Variants in SLC2A5 observed in about 807,000 individuals in gnomAD.
SLC2A5 encodes solute carrier family 2, facilitated glucose transporter member 5.
A neutral mutation model predicts 50.3 loss-of-function variants in SLC2A5; 56 were observed. That is an observed-to-expected ratio of 1.11 (90% CI 0.90 to 1.39). The LOEUF (loss-of-function observed/expected upper bound fraction) is 1.39. Ranked by LOEUF, SLC2A5 falls within the 40% of genes most tolerant of loss-of-function variation. The pLI is 0.00. For missense variants in SLC2A5, 566 were observed against 650.1 expected (o/e 0.87, Z 1.41); for synonymous variants, 269 against 281.9 (o/e 0.95, Z 0.46).
At chr1:9,070,077 T>G (rs868316175), upstream of SLC2A5, among the ~76,000 whole-genome samples, 3 of 130,232 alleles carry the variant, frequency 2.3e-5, no homozygotes, top group South Asian at 5.7e-4. Flanking sequence ...TTTCTGTTTT[T>G]TTTTTTTTTT....
Position 9,085,707 on chromosome 1 carries a change from C to T in SLC2A5, c.-187-565G>A, listed in dbSNP as rs138452802. Among the ~76,000 whole-genome samples, 1,156 of 152,218 alleles carry T rather than the reference C, an allele frequency of 7.6e-3. 2 individuals are homozygous for T. The highest frequency in any genetic ancestry group is 0.017 in the Middle Eastern group (5 of 294). On this transcript the variant is annotated intron_variant, in intron 1 of 5. Transcript: ENST00000464985. ...AGGAAGTTCATTCAGATGGTTGTGTCGGGAGGGCGGCTTAGAATTTTACCT... is the reference window on the plus strand; with the variant it reads ...AGGAAGTTCATTCAGATGGTTGTGTTGGGAGGGCGGCTTAGAATTTTACCT...
At chr1:9,039,736 C>T (rs1426322597) in intron 7 of SLC2A5, 64 bp downstream of exon 7, 8 of 1,436,380 alleles carry the variant, frequency 5.6e-6, no homozygotes, top group Non-Finnish European at 9.1e-7. Flanking sequence ...GCCCGGCGCC[C>T]CAGGACCTGC....
chr1:9,093,156 C>T (rs1245860443), upstream of SLC2A5, among the ~76,000 whole-genome samples: 2 of 152,150 alleles, frequency 1.3e-5, no homozygotes, highest in African/African-American at 4.8e-5. Context: ...TTAATCCCTT[C>T]CTACAGCCAG....
chr1:9,043,180 G>T (rs186793734), intron 4 of SLC2A5, among the ~76,000 whole-genome samples: 1 of 152,166 alleles, frequency 6.6e-6, no homozygotes, highest in Non-Finnish European at 1.5e-5. Context: ...GCTCAGGGAC[G>T]TGGGTCTCTG....
chr1:9,088,075 G>A (rs1470574654), intron 1 of SLC2A5, among the ~76,000 whole-genome samples: 1 of 152,080 alleles, frequency 6.6e-6, no homozygotes, highest in Non-Finnish European at 1.5e-5. Flanking sequence ...ACCAGGAATA[G>A]CAAAAGGCAA....
chr1:9,057,707 C>T (rs1051545503), intron 2 of SLC2A5, 99 bp from the exon 3 acceptor site: 1 of 1,019,208 alleles, frequency 9.8e-7, no homozygotes, highest in South Asian at 1.5e-5. Flanking sequence ...CCTGGGCACA[C>T]AGAGACCAAC....
Position 9,038,447 on chromosome 1 carries a change from T to C in SLC2A5, c.1158A>G (p.Gly386=), listed in dbSNP as rs1157914442. Reference sequence around the variant, plus strand: ...GGTACGTACTGGGCCCGAGGGCATGTCCTATGACGTAGGAGATGACACAGA... The same window carrying C: ...GGTACGTACTGGGCCCGAGGGCATGCCCTATGACGTAGGAGATGACACAGA... ...SIVCVISYVI[G]HALGPSPIPA... is the part of the protein sequence containing the mutation. Residue 386 remains glycine (G), a synonymous_variant, in exon 10 of 12, where the codon GGA becomes GGG. Coordinates refer to ENST00000377424, the MANE Select transcript of SLC2A5 (RefSeq NM_003039.3). 1 of 1,613,428 alleles carries C rather than the reference T, an allele frequency of 6.2e-7. No homozygotes were observed.
chr1:9,038,203 A>G (rs956871270), intron 10 of SLC2A5, among the ~76,000 whole-genome samples, 179 bp from the exon 11 acceptor site: 1 of 151,988 alleles, frequency 6.6e-6, no homozygotes, highest in Non-Finnish European at 1.5e-5. Context: ...GCCAGCAACC[A>G]CCCGTTAGGC....
chr1:9,036,670 C>G lies in SLC2A5; in HGVS notation c.*916G>C, dbSNP rs984646490. ...CCTGGCCAACACAGTGAAACCCAGT[C>G]TCTACTAAAAATACAAAAAAGTTAG... On this transcript the variant is annotated 3_prime_UTR_variant, in exon 12 of 12. Coordinates refer to ENST00000377424, the MANE Select transcript of SLC2A5 (RefSeq NM_003039.3). 6.6e-6 allele frequency: 1 copy of G among 152,078 alleles called. No homozygotes were observed. Among genetic ancestry groups the G allele is most frequent in the African/African-American group, 2.4e-5 (1 of 41,336 alleles). The allele number at this position is 152,078 out of a possible 1,614,324, so 9.4% of individuals were successfully genotyped here. A position where few individuals can be genotyped will look rare whatever the true frequency, so the allele number is the denominator to read the frequency against.
chr1:9,037,454 G>T lies in SLC2A5; in HGVS notation c.*132C>A. On this transcript the variant is annotated 3_prime_UTR_variant, in exon 12 of 12. Transcript: ENST00000377424. Reference sequence around the variant, plus strand: ...GCACAGTTCCCACTGGGGTGGGGAGGCTGGAGATGAGGACTGCATTCCACA... The same window carrying T: ...GCACAGTTCCCACTGGGGTGGGGAGTCTGGAGATGAGGACTGCATTCCACA... The T allele has an allele frequency of 1.3e-6, 1 of 749,028 alleles. No individual in the cohort carries two copies. Among genetic ancestry groups the T allele is most frequent in the South Asian group, 1.7e-5 (1 of 59,638 alleles). 46.4% of individuals were successfully genotyped at this position (749,028 alleles called of 1,614,324 possible). A position where few individuals can be genotyped will look rare whatever the true frequency, so the allele number is the denominator to read the frequency against.
At chr1:9,062,585 C>A (rs1352393701) in intron 1 of SLC2A5, among the ~76,000 whole-genome samples, 2 of 152,186 alleles carry the variant, frequency 1.3e-5, no homozygotes, top group African/African-American at 4.8e-5. Context: ...AAAAAAATTA[C>A]TCCAGGCTGG....
chr1:9,038,696 C>A, intron 9 of SLC2A5, 132 bp downstream of exon 9: 1 of 1,388,366 alleles, frequency 7.2e-7, no homozygotes. Flanking sequence ...CCCCAGATGT[C>A]TGGCCAGTTG....
At chr1:9,054,651 G>A (rs1162290392) in intron 3 of SLC2A5, among the ~76,000 whole-genome samples, 11 of 152,174 alleles carry the variant, frequency 7.2e-5, no homozygotes, top group Admixed American at 2.6e-4. Flanking sequence ...GAGGCTAGGC[G>A]TAGCGGTTCG....
chr1:9,052,975 T>A lies in SLC2A5; in HGVS notation c.293+4473A>T, dbSNP rs373300120. Among the ~76,000 whole-genome samples, 120 of 13,694 alleles carry A rather than the reference T, an allele frequency of 8.8e-3. 1 individual carries two copies. The highest frequency in any genetic ancestry group is 0.042 in the Middle Eastern group (1 of 24). 9.0% of individuals were successfully genotyped at this position (13,694 alleles called of 152,430 possible). A position where few individuals can be genotyped will look rare whatever the true frequency, so the allele number is the denominator to read the frequency against. ...AGTAAGACCATATTTCAAAAAAAAA[T>A]ATATATATATATATGTTTTAAAAAT... is the stretch of plus-strand genomic sequence containing the variant. On this transcript the variant is annotated intron_variant, in intron 3 of 11. Transcript: ENST00000377424.
intron 1 of SLC2A5, among the ~76,000 whole-genome samples, chr1:9,069,129 A>T (rs1642158067): frequency 6.6e-6 from 1 of 152,230 alleles, no homozygotes; most frequent in African/African-American, 2.4e-5. Context: ...TGAAAAAATT[A>T]ACTGCCCTGA....
rs550444844 is a variant in SLC2A5 at position 9,045,167 on chromosome 1, G to T, written c.418+2443C>A. 3.9e-5 allele frequency among the ~76,000 whole-genome samples: 6 copies of T among 152,302 alleles called. 1 individual carries two copies. The highest frequency in any genetic ancestry group is 1.4e-4 in the African/African-American group (6 of 41,578). ...TGACCTGACCCAGAAGTACATCTGAGAATTCAGCTGTCTTCTATTAAGCCA... is the reference window on the plus strand; with the variant it reads ...TGACCTGACCCAGAAGTACATCTGATAATTCAGCTGTCTTCTATTAAGCCA... On this transcript the variant is annotated intron_variant, in intron 4 of 11. Coordinates refer to ENST00000377424, the MANE Select transcript of SLC2A5 (RefSeq NM_003039.3).
At chr1:9,077,906 C>T in intron 2 of SLC2A5, among the ~76,000 whole-genome samples, 1 of 151,610 alleles carries the variant, frequency 6.6e-6, no homozygotes, top group South Asian at 2.1e-4. Context: ...CAGGGTGAGT[C>T]CATAGAGTAA....
At chr1:9,072,909 C>G (rs1227714341), upstream of SLC2A5, among the ~76,000 whole-genome samples, 1 of 151,616 alleles carries the variant, frequency 6.6e-6, no homozygotes, top group Non-Finnish European at 1.5e-5. Flanking sequence ...TTGCAGTGAG[C>G]TGAGATCGCA....
At chr1:9,056,374 G>A (rs1460129102) in intron 3 of SLC2A5, among the ~76,000 whole-genome samples, 1 of 152,040 alleles carries the variant, frequency 6.6e-6, no homozygotes, top group Admixed American at 6.6e-5. Flanking sequence ...TAGTAGAGAC[G>A]GAGTTTCACC....
Sources: gnomAD v4.1 joint callset for allele counts (sites outside exome capture counted in the v4.1 genomes callset) on GRCh38, gnomAD v4.1.1 for gene constraint, MANE v1.5 for transcripts, NCBI Gene and HGNC (gene_info 2026-07-23, HGNC 2026-07-21) for gene names.